The following IL7 variants were observed in gnomAD, a reference collection of about 807,000 sequenced individuals.
The protein encoded by IL7 is interleukin 7, also known as interleukin-7.
In IL7, 3 loss-of-function variants were observed where a neutral mutation model predicts 21.6. The ratio of observed to expected loss-of-function variants is 0.14; its 90% CI spans 0.06 to 0.36. The LOEUF (loss-of-function observed/expected upper bound fraction) is 0.36. Ranked by LOEUF, IL7 falls within the 10% of genes least tolerant of loss-of-function variation. IL7 has a pLI of 1.00. For missense variants in IL7, 175 were observed against 200.2 expected, an observed-to-expected ratio of 0.87 and a Z score of 0.76; for synonymous variants, 62 against 68.1, an observed-to-expected ratio of 0.91 and a Z score of 0.44.
At chr8:78,785,422 A>AT (rs935269640) in intron 2 of IL7, among the ~76,000 whole-genome samples, 11 of 151,994 alleles carry the variant, frequency 7.2e-5, no homozygotes, top group Non-Finnish European at 1.5e-4. Flanking sequence ...TCTATTTCAT[A>AT]TTTTTTGTTC....
intron 2 of IL7, among the ~76,000 whole-genome samples, chr8:78,783,255 C>A (rs1390192207): frequency 1.3e-5 from 2 of 152,194 alleles, no homozygotes; most frequent in Non-Finnish European, 2.9e-5. Flanking sequence ...TGATGGGAAT[C>A]TCCTGATTTG....
rs185592442 is a variant in IL7 at position 78,725,444 on chromosome 8, C to T, written n.268-4004G>A. Among the ~76,000 whole-genome samples the T allele has an allele frequency of 9.3e-3, 1,411 of 152,000 alleles. 13 individuals carry two copies. The highest frequency in any genetic ancestry group is 0.014 in the Non-Finnish European group (942 of 67,930). On this transcript the variant is annotated intron_variant and non_coding_transcript_variant, in intron 3 of 6. Transcript: ENST00000519833. ...TGGGCATTGTTTCTGGCTGAACAGC[C>T]TCCAAACTTGACTATCTGGCTCTCC...
At chr8:78,733,972 CGAT>C (rs974713538) in intron 5 of IL7, 140 bp from the exon 6 acceptor site, 1 of 571,142 alleles carries the variant, frequency 1.8e-6, no homozygotes, top group African/African-American at 2.0e-5. Context: ...ATTTTAAAGA[CGAT>C]GATTTCTAAC....
intron 2 of IL7, among the ~76,000 whole-genome samples, chr8:78,751,022 A>C (rs1812150666): frequency 6.6e-6 from 1 of 151,896 alleles, no homozygotes; most frequent in Non-Finnish European, 1.5e-5. Context: ...GACTTCACAT[A>C]GCTGAGGAAA....
intron 2 of IL7, among the ~76,000 whole-genome samples, chr8:78,785,808 C>T (rs1813491712): frequency 6.6e-6 from 1 of 152,190 alleles, no homozygotes; most frequent in Non-Finnish European, 1.5e-5. Context: ...CCTCTTCTCA[C>T]TTATCACAGT....
At chr8:78,757,161 C>T (rs1410915083) in intron 2 of IL7, among the ~76,000 whole-genome samples, 2 of 151,624 alleles carry the variant, frequency 1.3e-5, no homozygotes. Context: ...CACTTTGAAG[C>T]CTATTGCTTT....
rs974045256 is a variant in IL7, at chr8:78,791,694, A to T, written c.147+6378T>A. On this transcript the variant is annotated intron_variant, in intron 2 of 5. Transcript: ENST00000263851. Reference sequence around the variant, plus strand: ...TATTATCATGTGCTCTTACCAAATGATGAGCATATCATCAAAATCTAATGG... The same window carrying T: ...TATTATCATGTGCTCTTACCAAATGTTGAGCATATCATCAAAATCTAATGG... 7.2e-5 allele frequency among the ~76,000 whole-genome samples: 11 copies of T among 152,212 alleles called. No homozygotes were observed. The East Asian group carries it at 1.9e-3, about 27-fold the overall frequency.
At chr8:78,718,486 T>TA (rs1286199585) in intron 6 of IL7, 6 of 151,964 alleles carry the variant, frequency 3.9e-5, no homozygotes, top group African/African-American at 1.4e-4. Flanking sequence ...AGCATGCAGA[T>TA]AAAAAATATT....
intron 3 of IL7, among the ~76,000 whole-genome samples, chr8:78,705,694 AGCAAAGATGATG>A (rs1487809900): frequency 3.9e-5 from 6 of 152,204 alleles, no homozygotes; most frequent in Non-Finnish European, 8.8e-5. Context: ...TTGCCCAAAC[AGCAAAGATGATG>A]GCCTGCACAC....
chr8:78,730,918 A>G (rs1811413677), downstream of IL7, among the ~76,000 whole-genome samples: 2 of 152,028 alleles, frequency 1.3e-5, no homozygotes, highest in African/African-American at 4.8e-5. Context: ...AGTCATAGCA[A>G]TTGAGGAAAA....
At chr8:78,786,113 G>A (rs185501382) in intron 2 of IL7, among the ~76,000 whole-genome samples, 1 of 152,144 alleles carries the variant, frequency 6.6e-6, no homozygotes, top group Non-Finnish European at 1.5e-5. Flanking sequence ...CTTAATGATA[G>A]GGGATATATT....
At chr8:78,709,913 C>G (rs2130597644) in intron 3 of IL7, among the ~76,000 whole-genome samples, 1 of 152,164 alleles carries the variant, frequency 6.6e-6, no homozygotes, top group African/African-American at 2.4e-5. Flanking sequence ...AATATTATTT[C>G]AGAAATCATC....
intron 2 of IL7, among the ~76,000 whole-genome samples, chr8:78,781,702 T>A (rs1813336459): frequency 6.6e-6 from 1 of 151,954 alleles, no homozygotes. Context: ...TGTCTTGGAG[T>A]GGTTCTTCTC....
In IL7 at chr8:78,691,021, T is replaced by TA. The variant is rs369711953; in HGVS notation, n.215-5075dup. Among the ~76,000 whole-genome samples the TA allele has an allele frequency of 3.5e-3, 531 of 152,294 alleles. 4 individuals are homozygous for TA. The highest frequency in any genetic ancestry group is 0.01 in the African/African-American group (423 of 41,568). ...TCTATGTATACAGTCATGTCACCTA[T>TA]AAATAAGGACAGTTTTATTTTCTTC... On this transcript the variant is annotated intron_variant and non_coding_transcript_variant, in intron 3 of 4. Transcript: ENST00000523959.
At chr8:78,680,072 T>A (rs1436074789) in intron 4 of IL7, among the ~76,000 whole-genome samples, 1 of 152,144 alleles carries the variant, frequency 6.6e-6, no homozygotes, top group Non-Finnish European at 1.5e-5. Flanking sequence ...AATGTAATTA[T>A]GCTTCTGTTC....
intron 3 of IL7, among the ~76,000 whole-genome samples, chr8:78,702,151 C>T (rs1810625709): frequency 1.3e-5 from 2 of 151,948 alleles, no homozygotes; most frequent in Non-Finnish European, 2.9e-5. Flanking sequence ...TTTCAGAACT[C>T]GTTATTTGTC....
intron 3 of IL7, among the ~76,000 whole-genome samples, chr8:78,723,115 T>C (rs865903555): frequency 1.4e-5 from 1 of 70,312 alleles, no homozygotes; most frequent in Non-Finnish European, 3.4e-5. Context: ...ATATATATAT[T>C]TAGAAGCCAT....
rs1810140197 is a variant in IL7 at position 78,689,510 on chromosome 8, A to G, written n.215-3563T>C. 2 of 766,830 alleles carry G rather than the reference A, an allele frequency of 2.6e-6. 1 individual carries two copies. The highest frequency in any genetic ancestry group is 8.8e-5 in the South Asian group (2 of 22,692). The allele number at this position is 766,830 out of a possible 1,614,324, so 47.5% of individuals were successfully genotyped here. A position where few individuals can be genotyped will look rare whatever the true frequency, so the allele number is the denominator to read the frequency against. On this transcript the variant is annotated intron_variant and non_coding_transcript_variant, in intron 3 of 4. Coordinates refer to the IL7 transcript ENST00000523959. ...TAGATATATAGTTTTATATATCTAT[A>G]AAAGTTGTATGCTTTTAGCTCTTAT... is the stretch of plus-strand genomic sequence containing the variant.
Position 78,805,027 on chromosome 8 carries a change from G to T in IL7, c.-105C>A. ...GACCCTGGTCTTCCGCGGAGTTGCC[G>T]AGTCTGTGTTGGGCAGGGTGATCTC... On this transcript the variant is annotated 5_prime_UTR_variant, in exon 1 of 6. Transcript: ENST00000263851. 2 of 1,299,044 alleles carry T rather than the reference G, an allele frequency of 1.5e-6. No individual in the cohort carries two copies. The highest frequency in any genetic ancestry group is 2.1e-6 in the Non-Finnish European group (2 of 931,244). The allele number at this position is 1,299,044 out of a possible 1,614,324, so 80.5% of individuals were successfully genotyped here. A position where few individuals can be genotyped will look rare whatever the true frequency, so the allele number is the denominator to read the frequency against.
Sources: gnomAD v4.1 joint callset for allele counts (sites outside exome capture counted in the v4.1 genomes callset) on GRCh38, gnomAD v4.1.1 for gene constraint, MANE v1.5 for transcripts, NCBI Gene and HGNC (gene_info 2026-07-23, HGNC 2026-07-21) for gene names.